The following MTA3 variants were observed in gnomAD, a reference collection of about 807,000 sequenced individuals.
MTA3 encodes metastasis-associated protein MTA3.
Under a neutral mutation model 83.5 loss-of-function variants are expected in MTA3, and 34 were observed. That is an observed-to-expected ratio of 0.41 (90% CI 0.31 to 0.54). MTA3 has a LOEUF of 0.54. MTA3 is among the 20% of genes least tolerant of loss of function. The pLI is 0.33. For synonymous variants in MTA3, 303 were observed against 252.7 expected (o/e 1.20, Z -1.89); for missense variants, 761 against 726.4 (o/e 1.05, Z -0.55).
intron 14 of MTA3, among the ~76,000 whole-genome samples, chr2:42,717,448 A>G (rs914627140): frequency 1.3e-5 from 2 of 152,216 alleles, no homozygotes; most frequent in South Asian, 2.1e-4. Flanking sequence ...AAGTGTTTCA[A>G]TACACGTTTT....
intron 4 of MTA3, among the ~76,000 whole-genome samples, chr2:42,623,467 C>T (rs776578567): frequency 6.6e-6 from 1 of 152,194 alleles, no homozygotes; most frequent in Non-Finnish European, 1.5e-5. Context: ...GTCTTTTCTT[C>T]AGTCCTCTAG....
chr2:42,636,423 T>G (rs955231085), intron 4 of MTA3, among the ~76,000 whole-genome samples: 2 of 151,836 alleles, frequency 1.3e-5, no homozygotes, highest in Non-Finnish European at 2.9e-5. Flanking sequence ...ACACCTGTAG[T>G]CCCAGCTACT....
chr2:42,604,569 CTTTTCT>C (rs1435054840), intron 3 of MTA3, among the ~76,000 whole-genome samples: 1 of 47,472 alleles, frequency 2.1e-5, no homozygotes, highest in African/African-American at 1.6e-4. Flanking sequence ...CTGAATGTTT[CTTTTCT>C]TTTTTTTTTT....
At chr2:42,561,597 A>G (rs970411276) in intron 2 of MTA3, among the ~76,000 whole-genome samples, 1 of 152,120 alleles carries the variant, frequency 6.6e-6, no homozygotes, top group African/African-American at 2.4e-5. Context: ...TGCTGGGATT[A>G]CAGGCGTGAG....
chr2:42,662,144 T>A lies in MTA3; in HGVS notation c.702+2282T>A, dbSNP rs374818459. Among the ~76,000 whole-genome samples, 64 of 152,284 alleles carry A rather than the reference T, an allele frequency of 4.2e-4. No individual in the cohort carries two copies. The East Asian group carries it at 0.012, about 28-fold the overall frequency. ...TTCATTTTAACTGCTTTCTATTATT[T>A]CCAATATTCTTGTATATAATACTAC... On this transcript the variant is annotated intron_variant, in intron 8 of 16. Coordinates refer to ENST00000405094, the MANE Select transcript of MTA3 (RefSeq NM_001330442.2).
At chr2:42,584,493 A>T (rs1558460080) in intron 3 of MTA3, among the ~76,000 whole-genome samples, 1 of 152,084 alleles carries the variant, frequency 6.6e-6, no homozygotes, top group Non-Finnish European at 1.5e-5. Flanking sequence ...TAATGCAAAT[A>T]TACATATATT....
intron 3 of MTA3, among the ~76,000 whole-genome samples, chr2:42,593,951 GTT>G (rs60176061): frequency 7.1e-6 from 1 of 140,302 alleles, no homozygotes; most frequent in African/African-American, 2.6e-5. Flanking sequence ...ATAGGATTAA[GTT>G]TTTTTTTTTT....
intron 6 of MTA3, among the ~76,000 whole-genome samples, chr2:42,653,126 A>G (rs141261159): frequency 1.6e-3 from 246 of 152,344 alleles, no homozygotes; most frequent in African/African-American, 5.7e-3. Context: ...CTGGGTCTAC[A>G]TTTCTTCACA....
At chr2:42,495,282 C>G (rs947045435) in intron 2 of MTA3, 1 of 152,496 alleles carries the variant, frequency 6.6e-6, no homozygotes, top group Admixed American at 6.5e-5. Context: ...AGTAAAATCA[C>G]TCTCGGTGGC....
At chr2:42,677,902 T>C (rs1691530297) in intron 8 of MTA3, among the ~76,000 whole-genome samples, 1 of 152,202 alleles carries the variant, frequency 6.6e-6, no homozygotes, top group Admixed American at 6.5e-5. Context: ...TATCTTACTG[T>C]ACTATATTCA....
chr2:42,577,113 T>G (rs1490097976), intron 2 of MTA3, among the ~76,000 whole-genome samples: 1 of 41,140 alleles, frequency 2.4e-5, no homozygotes, highest in Non-Finnish European at 4.9e-5. Context: ...AAAATATATA[T>G]ATATATATAT....
intron 2 of MTA3, among the ~76,000 whole-genome samples, chr2:42,521,377 G>C (rs1324518933): frequency 6.6e-6 from 1 of 152,164 alleles, no homozygotes; most frequent in African/African-American, 2.4e-5. Flanking sequence ...TTGCAGCCTT[G>C]TGAGAGACCC....
At chr2:42,752,179 C>T in intron 16 of MTA3, 1 of 471,204 alleles carries the variant, frequency 2.1e-6, no homozygotes, top group Non-Finnish European at 4.4e-6. Flanking sequence ...TTAACACATA[C>T]TTGCTGAGCT....
chr2:42,670,252 T>G (rs1207279491), intron 8 of MTA3, among the ~76,000 whole-genome samples: 2 of 148,234 alleles, frequency 1.3e-5, no homozygotes, highest in East Asian at 3.9e-4. Flanking sequence ...AGAGCTTAAC[T>G]CCGTGTCAAA....
At chr2:42,651,057 G>C (rs1688670369) in intron 6 of MTA3, among the ~76,000 whole-genome samples, 2 of 152,146 alleles carry the variant, frequency 1.3e-5, no homozygotes, top group South Asian at 4.1e-4. Flanking sequence ...CTACAAACCT[G>C]TACAGCATGT....
At chr2:42,618,564 C>T (rs1573317889) in intron 4 of MTA3, among the ~76,000 whole-genome samples, 1 of 152,082 alleles carries the variant, frequency 6.6e-6, no homozygotes, top group Admixed American at 6.6e-5. Context: ...TCTGTAATTG[C>T]ATTGCGCAGA....
At chr2:42,506,796 C>T (rs1227147636) in intron 2 of MTA3, among the ~76,000 whole-genome samples, 2 of 151,796 alleles carry the variant, frequency 1.3e-5, no homozygotes, top group African/African-American at 2.4e-5. Context: ...TTAGTAGAGA[C>T]GGGTTTCACC....
chr2:42,587,192 C>CAA (rs550495957), intron 3 of MTA3, among the ~76,000 whole-genome samples: 1 of 144,850 alleles, frequency 6.9e-6, no homozygotes, highest in Non-Finnish European at 1.5e-5. Flanking sequence ...GACTCTGTCT[C>CAA]AAAAAAAAAA....
chr2:42,713,003 C>T (rs1453937706), intron 14 of MTA3, among the ~76,000 whole-genome samples: 5 of 152,178 alleles, frequency 3.3e-5, no homozygotes, highest in Non-Finnish European at 7.3e-5. Context: ...ATCCAAACAC[C>T]TGATGCACAC....
Sources: gnomAD v4.1 joint callset for allele counts (sites outside exome capture counted in the v4.1 genomes callset) on GRCh38, gnomAD v4.1.1 for gene constraint, MANE v1.5 for transcripts, NCBI Gene and HGNC (gene_info 2026-07-23, HGNC 2026-07-21) for gene names.